The following VPS35L variants were observed in gnomAD, a reference collection of about 807,000 sequenced individuals.
VPS35L encodes the protein VPS35 endosomal protein sorting factor like.
A neutral mutation model predicts 133.0 loss-of-function variants in VPS35L; 83 were observed. That is an observed-to-expected ratio of 0.62 (90% CI 0.52 to 0.75). The LOEUF (loss-of-function observed/expected upper bound fraction) is 0.75. Among genes scored for constraint, VPS35L ranks in the 30% least tolerant of loss-of-function variants. The probability of loss-of-function intolerance (pLI) is 0.00; values close to 1 mark genes in which losing one functional copy is unlikely to be tolerated. For synonymous variants in VPS35L, 423 were observed against 449.9 expected, an observed-to-expected ratio of 0.94 and a Z score of 0.76; for missense variants, 1,083 against 1,206.8, an observed-to-expected ratio of 0.90 and a Z score of 1.52.
chr16:19,647,767 T>C lies in VPS35L; in HGVS notation c.1930-17T>C, dbSNP rs1294060521. 4 of 1,604,328 alleles carry C rather than the reference T, an allele frequency of 2.5e-6. No individual in the cohort carries two copies. Among genetic ancestry groups the C allele is most frequent in the Non-Finnish European group, 2.6e-6 (3 of 1,171,138 alleles). On this transcript the variant is annotated splice_polypyrimidine_tract_variant and intron_variant, in intron 23 of 30. Coordinates refer to ENST00000417362, the MANE Select transcript of VPS35L (RefSeq NM_020314.7). ...AAATACCACTGTCCCTTTCAGCGTC[T>C]TTCTCCTTGATTCTAGGTTTCCTTT...
intron 7 of VPS35L, among the ~76,000 whole-genome samples, chr16:19,589,542 G>T (rs936112613): frequency 6.6e-6 from 1 of 152,190 alleles, no homozygotes; most frequent in Non-Finnish European, 1.5e-5. Flanking sequence ...ACCATGCCCA[G>T]CTGGGATTTG....
At chr16:19,622,389 C>G (rs775904414) in intron 14 of VPS35L, among the ~76,000 whole-genome samples, 8 of 151,888 alleles carry the variant, frequency 5.3e-5, no homozygotes, top group Non-Finnish European at 1.0e-4. Flanking sequence ...GTGATCCACC[C>G]ACCTGAGCCT....
intron 26 of VPS35L, among the ~76,000 whole-genome samples, chr16:19,657,066 A>G (rs1250006683): frequency 6.6e-6 from 1 of 150,542 alleles, no homozygotes; most frequent in African/African-American, 2.4e-5. Flanking sequence ...CCCAAGTTCA[A>G]GTGATTTTCC....
chr16:19,595,321 C>T (rs1243310307), intron 8 of VPS35L, among the ~76,000 whole-genome samples: 8 of 151,976 alleles, frequency 5.3e-5, no homozygotes, highest in Non-Finnish European at 7.4e-5. Context: ...CCCCGGGAGG[C>T]GGTGGAGATG....
chr16:19,599,137 A>C (rs906032714), intron 8 of VPS35L, among the ~76,000 whole-genome samples: 2 of 152,202 alleles, frequency 1.3e-5, no homozygotes, highest in Non-Finnish European at 2.9e-5. Flanking sequence ...CTTGTTCTCT[A>C]AGGCCTTCCA....
chr16:19,642,290 G>A, intron 21 of VPS35L, 106 bp from the exon 22 acceptor site: 1 of 883,072 alleles, frequency 1.1e-6, no homozygotes, highest in Non-Finnish European at 1.7e-6. Context: ...ATGCCAGCTG[G>A]ATAATTTGCT....
At chr16:19,555,812 G>T in intron 1 of VPS35L, 66 bp downstream of exon 1, 1 of 1,515,886 alleles carries the variant, frequency 6.6e-7, no homozygotes, top group Middle Eastern at 2.5e-4. Flanking sequence ...GGTCGGCCTG[G>T]GTCTGAGAGT....
intron 27 of VPS35L, among the ~76,000 whole-genome samples, chr16:19,669,532 A>T (rs951665121): frequency 2.0e-5 from 3 of 152,202 alleles, no homozygotes; most frequent in Admixed American, 6.5e-5. Context: ...ACAAAGTGCC[A>T]TAGACTGGGG....
chr16:19,677,956 G>A (rs148636342), intron 27 of VPS35L, among the ~76,000 whole-genome samples: 6 of 152,236 alleles, frequency 3.9e-5, no homozygotes, highest in East Asian at 1.9e-4. Flanking sequence ...TATCACCCTC[G>A]TTTCACAGAA....
chr16:19,584,541 C>T (rs894581028), intron 7 of VPS35L, among the ~76,000 whole-genome samples: 3 of 150,814 alleles, frequency 2.0e-5, no homozygotes, highest in African/African-American at 4.9e-5. Context: ...GCAGGAGAAT[C>T]GCTTGAACCC....
chr16:19,587,160 A>T (rs888031338), intron 7 of VPS35L, among the ~76,000 whole-genome samples: 1 of 152,094 alleles, frequency 6.6e-6, no homozygotes, highest in African/African-American at 2.4e-5. Flanking sequence ...TCTCATGAGA[A>T]CTGTCTGACA....
intron 14 of VPS35L, among the ~76,000 whole-genome samples, chr16:19,618,837 G>A (rs531304299): frequency 6.6e-6 from 1 of 152,152 alleles, no homozygotes; most frequent in South Asian, 2.1e-4. Flanking sequence ...ATATCTGTGC[G>A]AGAGAGTTGG....
At chr16:19,590,138 CG>C (rs199738910) in intron 7 of VPS35L, among the ~76,000 whole-genome samples, 76 of 21,094 alleles carry the variant, frequency 3.6e-3, no homozygotes, top group East Asian at 5.6e-3. Flanking sequence ...ATTCCCGCCC[CG>C]CCCCCCCCCC....
intron 14 of VPS35L, among the ~76,000 whole-genome samples, chr16:19,622,140 CTTTTTTTTT>C (rs60521137): frequency 0.067 from 7,185 of 107,954 alleles, 656 homozygotes; most frequent in African/African-American, 0.22. Flanking sequence ...CCATGTATAT[CTTTTTTTTT>C]TTTTTTTTTT....
intron 1 of VPS35L, among the ~76,000 whole-genome samples, chr16:19,561,328 G>A (rs1205358418): frequency 2.6e-5 from 4 of 152,062 alleles, no homozygotes; most frequent in South Asian, 2.1e-4. Context: ...CGGAGATCGC[G>A]CCACTGCACT....
chr16:19,603,217 C>T (rs1470096790), intron 9 of VPS35L, among the ~76,000 whole-genome samples: 5 of 152,144 alleles, frequency 3.3e-5, no homozygotes, highest in East Asian at 1.9e-4. Flanking sequence ...AGACCCAGTA[C>T]GGAAGAGTCT....
rs1430946418 is a variant in VPS35L, at chr16:19,646,590, G to A, written c.1930-1194G>A. ...TGAGGCAGGAGAATCGCTTGAACCC[G>A]GGAGGCAGAGGTTGCGGTGAGCCAA... On this transcript the variant is annotated intron_variant, in intron 23 of 30. Transcript: ENST00000417362. Among the ~76,000 whole-genome samples, 7 of 152,120 alleles carry A rather than the reference G, an allele frequency of 4.6e-5. No homozygotes were observed. In the East Asian group the frequency reaches 5.8e-4, roughly 13 times the overall value.
chr16:19,607,596 A>G (rs1972573284), intron 9 of VPS35L, among the ~76,000 whole-genome samples: 1 of 152,186 alleles, frequency 6.6e-6, no homozygotes, highest in Non-Finnish European at 1.5e-5. Context: ...CCGGCAACAT[A>G]ATTCTGGCTG....
intron 5 of VPS35L, chr16:19,578,328 C>G: frequency 2.3e-6 from 1 of 440,126 alleles, no homozygotes; most frequent in East Asian, 7.1e-5. Context: ...GAGCCGAGAT[C>G]GCGCCACCGC....
Sources: gnomAD v4.1 joint callset for allele counts (sites outside exome capture counted in the v4.1 genomes callset) on GRCh38, gnomAD v4.1.1 for gene constraint, MANE v1.5 for transcripts, NCBI Gene and HGNC (gene_info 2026-07-23, HGNC 2026-07-21) for gene names.